The following ZFP1 variants were observed in gnomAD, a reference collection of about 807,000 sequenced individuals.
ZFP1 encodes the protein ZFP1 zinc finger protein.
ZFP1 carries 32 observed loss-of-function variants against 38.5 expected under a neutral mutation model. That is an observed-to-expected ratio of 0.83 (90% CI 0.63 to 1.12). The LOEUF (loss-of-function observed/expected upper bound fraction) is 1.12. Ranked by LOEUF, ZFP1 falls within the 50% of genes most tolerant of loss-of-function variation. ZFP1 has a pLI of 0.00. For missense variants in ZFP1, 616 were observed against 480.8 expected (o/e 1.28, Z -2.63); for synonymous variants, 245 against 168.8 (o/e 1.45, Z -3.50).
At chr16:75,122,135 C>T in the ZFP1 span, among the ~76,000 whole-genome samples, 338 of 152,306 alleles carry the variant, frequency 2.2e-3, 3 homozygotes, top group East Asian at 0.04. Flanking sequence ...AGAAAAGGTG[C>T]CCCTCGCAGA....
rs903326811 is a variant in ZFP1, at chr16:75,166,050, G to A, written c.16-720G>A. On this transcript the variant is annotated intron_variant, in intron 2 of 3. Transcript: ENST00000570010. ...TTATGGCTTGAATGAGGGGATGGAA[G>A]GACAGAGATCCTTACTTGTACCTGG... 6.6e-5 allele frequency among the ~76,000 whole-genome samples: 10 copies of A among 152,088 alleles called. No homozygotes were observed. The East Asian group carries it at 1.7e-3, about 26-fold the overall frequency.
upstream of ZFP1, among the ~76,000 whole-genome samples, chr16:75,145,559 G>A (rs2145479382): frequency 6.6e-6 from 1 of 152,198 alleles, no homozygotes; most frequent in South Asian, 2.1e-4. Context: ...CCAAATCCCA[G>A]GCTCCACAAA....
In ZFP1 at chr16:75,161,775, T is replaced by TATATATATATATATATATATATATA. The variant is rs59261786; in HGVS notation, c.16-4995_16-4994insATATATATATATATATATATATATA. ...TTTATGAAATATATATATATATATA[T>TATATATATATATATATATATATATA]TTTTTTTTTTTTTTTTTTTTTTTTT... On this transcript the variant is annotated intron_variant, in intron 2 of 3. Transcript: ENST00000570010. Among the ~76,000 whole-genome samples, 21 of 6,264 alleles carry TATATATATATATATATATATATATA rather than the reference T, an allele frequency of 3.4e-3. 1 individual carries two copies. The highest frequency in any genetic ancestry group is 5.5e-3 in the African/African-American group (11 of 1,996). 4.1% of individuals were successfully genotyped at this position (6,264 alleles called of 152,430 possible). A position where few individuals can be genotyped will look rare whatever the true frequency, so the allele number is the denominator to read the frequency against.
the ZFP1 span, among the ~76,000 whole-genome samples, chr16:75,124,944 A>G: frequency 6.6e-6 from 1 of 150,830 alleles, no homozygotes; most frequent in Non-Finnish European, 1.5e-5. Flanking sequence ...ATTTAGTACT[A>G]AAGTAAAATG....
the ZFP1 span, among the ~76,000 whole-genome samples, chr16:75,128,947 C>T: frequency 2.0e-5 from 3 of 152,112 alleles, no homozygotes; most frequent in African/African-American, 4.8e-5. Context: ...TGCACCACCA[C>T]GCCTGGCTAA....
At chr16:75,166,263 T>C (rs1381027849) in intron 2 of ZFP1, among the ~76,000 whole-genome samples, 2 of 152,206 alleles carry the variant, frequency 1.3e-5, no homozygotes, top group Non-Finnish European at 2.9e-5. Flanking sequence ...GAGACAGTCT[T>C]ACTCTGTTGC....
chr16:75,132,002 G>A, the ZFP1 span, among the ~76,000 whole-genome samples: 3 of 152,080 alleles, frequency 2.0e-5, no homozygotes, highest in South Asian at 4.2e-4. Flanking sequence ...TTTTACAGTT[G>A]GTTAGTTCAA....
chr16:75,121,608 A>G, the ZFP1 span, among the ~76,000 whole-genome samples: 1 of 152,206 alleles, frequency 6.6e-6, no homozygotes, highest in Admixed American at 6.5e-5. Flanking sequence ...GAAGCAGGTT[A>G]TCAATAATCT....
chr16:75,147,706 G>T (rs1478281437), upstream of ZFP1, among the ~76,000 whole-genome samples: 1 of 152,112 alleles, frequency 6.6e-6, no homozygotes, highest in Non-Finnish European at 1.5e-5. Flanking sequence ...GGAATTCAAT[G>T]TATTTTCTGC....
the ZFP1 span, among the ~76,000 whole-genome samples, chr16:75,125,986 T>C: frequency 1.4e-5 from 2 of 140,842 alleles, no homozygotes; most frequent in African/African-American, 5.3e-5. Context: ...GAGGTTGCAG[T>C]GAGCAGTGAG....
intron 1 of ZFP1, chr16:75,148,867 C>G (rs959104548): frequency 6.6e-6 from 1 of 152,320 alleles, no homozygotes. Flanking sequence ...GAGGGAAGGG[C>G]GGCTATGAGG....
At chr16:75,137,245 T>C in the ZFP1 span, among the ~76,000 whole-genome samples, 2 of 152,122 alleles carry the variant, frequency 1.3e-5, no homozygotes, top group African/African-American at 4.8e-5. Flanking sequence ...AACACTTTGA[T>C]TGACAAACTA....
At chr16:75,146,690 G>A (rs1425516920), upstream of ZFP1, among the ~76,000 whole-genome samples, 1 of 152,044 alleles carries the variant, frequency 6.6e-6, no homozygotes, top group Non-Finnish European at 1.5e-5. Context: ...TATAATCCCC[G>A]CACTTTGGGA....
Position 75,152,908 on chromosome 16 carries a change from G to A in ZFP1, c.-43-1G>A. The A allele has an allele frequency of 6.2e-7, 1 of 1,612,428 alleles. No homozygotes were observed. The highest frequency in any genetic ancestry group is 8.5e-7 in the Non-Finnish European group (1 of 1,179,422). Reference sequence around the variant, plus strand: ...ATGCCTTCCTTTTTCCTCTATTCCAGTTCTGCCTTCATAGTTCTCTGCCTT... The same window carrying A: ...ATGCCTTCCTTTTTCCTCTATTCCAATTCTGCCTTCATAGTTCTCTGCCTT... On this transcript the variant is annotated splice_acceptor_variant, in intron 1 of 3. Coordinates refer to ENST00000570010, the MANE Select transcript of ZFP1 (RefSeq NM_153688.4). LOFTEE classifies it low-confidence loss of function (5UTR_SPLICE).
At chr16:75,160,327 G>GT (rs1371728250) in intron 2 of ZFP1, among the ~76,000 whole-genome samples, 1 of 152,062 alleles carries the variant, frequency 6.6e-6, no homozygotes, top group Non-Finnish European at 1.5e-5. Flanking sequence ...GAGGGCAGGA[G>GT]TTTGAGACCA....
chr16:75,125,586 G>C, the ZFP1 span, among the ~76,000 whole-genome samples: 3 of 152,112 alleles, frequency 2.0e-5, no homozygotes, highest in Admixed American at 2.0e-4. Flanking sequence ...GCCTTCCAAA[G>C]TGCTGGGATT....
intron 2 of ZFP1, among the ~76,000 whole-genome samples, chr16:75,164,966 C>G (rs193159174): frequency 7.2e-5 from 11 of 152,062 alleles, no homozygotes; most frequent in Admixed American, 3.3e-4. Context: ...CTACTATGCC[C>G]GGCTAATTTT....
intron 2 of ZFP1, among the ~76,000 whole-genome samples, chr16:75,162,389 T>C (rs1716199799): frequency 6.6e-6 from 1 of 152,128 alleles, no homozygotes; most frequent in South Asian, 2.1e-4. Flanking sequence ...TCCAAAGTGC[T>C]AGGATTACAG....
chr16:75,133,011 CCT>C, the ZFP1 span, among the ~76,000 whole-genome samples: 1 of 142,400 alleles, frequency 7.0e-6, no homozygotes, highest in Non-Finnish European at 1.5e-5. Context: ...GGAGTCTTGC[CCT>C]GTCACCCAGG....
Sources: allele counts gnomAD v4.1 joint callset (sites outside exome capture counted in the v4.1 genomes callset), GRCh38; gene constraint gnomAD v4.1.1; transcripts MANE v1.5; gene names NCBI Gene and HGNC (gene_info 2026-07-23, HGNC 2026-07-21).